The following ZNF277 variants were observed in gnomAD, a reference collection of about 807,000 sequenced individuals.
The protein encoded by ZNF277 is zinc finger protein 277, also known as nuclear receptor-interacting factor 4.
In ZNF277, 55 loss-of-function variants were observed where a neutral mutation model predicts 60.7. That is an observed-to-expected ratio of 0.91 (90% CI 0.73 to 1.13). ZNF277 has a LOEUF of 1.13. Ranked by LOEUF, ZNF277 falls within the 50% of genes most tolerant of loss-of-function variation. ZNF277 has a pLI of 0.00. For synonymous variants in ZNF277, 178 were observed against 179.3 expected (o/e 0.99, Z 0.06); for missense variants, 510 against 523.0 (o/e 0.98, Z 0.24).
At position 112,310,454 on chromosome 7, in the gene ZNF277, T is replaced by TGAGAGAGAGAGA. The variant is rs377447375; in HGVS notation, c.466-7714_466-7703dup. 6.0e-5 allele frequency among the ~76,000 whole-genome samples: 7 copies of TGAGAGAGAGAGA among 117,294 alleles called. No individual in the cohort carries two copies. In the South Asian group the frequency reaches 8.2e-4, roughly 14 times the overall value. 76.9% of individuals were successfully genotyped at this position (117,294 alleles called of 152,430 possible). ...TTAGGGCCTACCTTTAGGTTAGGTT[T>TGAGAGAGAGAGA]GAGAGAGAGAGAGAGAGAGAGAGAG... is the stretch of plus-strand genomic sequence containing the variant. On this transcript the variant is annotated intron_variant, in intron 4 of 11. Transcript: ENST00000361822.
At chr7:112,285,180 C>G (rs1469718421) in intron 1 of ZNF277, among the ~76,000 whole-genome samples, 1 of 151,910 alleles carries the variant, frequency 6.6e-6, no homozygotes, top group African/African-American at 2.4e-5. Context: ...CAGGTGTGCA[C>G]CACCACGCCC....
Position 112,283,311 on chromosome 7 carries a change from T to C in ZNF277, c.92-3562T>C, listed in dbSNP as rs181169558. ...GGGAGGCCAAGGCAGGAGGCTCACT[T>C]AAGGTCAGGAATTGGAGACCAGCCA... is the stretch of plus-strand genomic sequence containing the variant. On this transcript the variant is annotated intron_variant, in intron 1 of 11. Transcript: ENST00000361822. 5.2e-3 allele frequency among the ~76,000 whole-genome samples: 796 copies of C among 152,252 alleles called. 8 individuals are homozygous for C. Among genetic ancestry groups the C allele is most frequent in the African/African-American group, 0.018 (735 of 41,556 alleles).
chr7:112,244,242 A>G (rs962602790), intron 1 of ZNF277, among the ~76,000 whole-genome samples: 6 of 152,192 alleles, frequency 3.9e-5, no homozygotes, highest in African/African-American at 1.2e-4. Context: ...ATAGCCACAT[A>G]ACAAAACTAC....
Position 112,206,768 on chromosome 7 carries a change from G to T in ZNF277, c.52G>T (p.Asp18Tyr). 6.2e-7 allele frequency: 1 copy of T among 1,613,174 alleles called. No homozygotes were observed. Among genetic ancestry groups the T allele is most frequent in the Non-Finnish European group, 8.5e-7 (1 of 1,179,640 alleles). ...TGTCGCCCGAATGCAGGAAGACCGT[G>T]ATGGGAGCTGCAGCACAGTCGGGGG... ...GAVARMQEDR[D>Y]GSCSTVGGVG... Residue 18 changes from aspartate (D) to tyrosine (Y), a missense_variant, in exon 1 of 12, where the codon GAT (aspartate) becomes TAT (tyrosine). Asp to Tyr is a radical substitution (Grantham distance 160). Coordinates refer to ENST00000361822, the MANE Select transcript of ZNF277 (RefSeq NM_021994.3).
intron 6 of ZNF277, among the ~76,000 whole-genome samples, chr7:112,328,785 G>A (rs897557250): frequency 9.2e-5 from 14 of 152,098 alleles, no homozygotes; most frequent in African/African-American, 2.9e-4. Context: ...CAGGAGAATC[G>A]CTTGAACCCG....
chr7:112,259,537 C>T (rs1236034483), intron 1 of ZNF277, among the ~76,000 whole-genome samples: 1 of 152,152 alleles, frequency 6.6e-6, no homozygotes, highest in Admixed American at 6.6e-5. Flanking sequence ...AAACAGGTTA[C>T]TTAAGAGCGC....
chr7:112,320,952 C>A (rs1469761402), intron 5 of ZNF277, among the ~76,000 whole-genome samples: 1 of 119,290 alleles, frequency 8.4e-6, no homozygotes, highest in Non-Finnish European at 1.6e-5. Flanking sequence ...GATGGAGTCT[C>A]ACTCTGTCGC....
chr7:112,339,381 C>T (rs1297569339), intron 9 of ZNF277, among the ~76,000 whole-genome samples: 4 of 152,170 alleles, frequency 2.6e-5, no homozygotes, highest in East Asian at 3.8e-4. Context: ...TGCAGTGTCA[C>T]GATCTCAGCT....
rs144554811 is a variant in ZNF277 at position 112,339,197 on chromosome 7, T to C, written c.967-646T>C. On this transcript the variant is annotated intron_variant, in intron 9 of 11. Transcript: ENST00000361822. ...AAATGCACAGTACAATAGAAACATA[T>C]CTTACCTACACTTTTATCACACTGC... Among the ~76,000 whole-genome samples the C allele has an allele frequency of 1.1e-4, 17 of 152,330 alleles. No individual in the cohort carries two copies. The East Asian group carries it at 1.2e-3, about 10-fold the overall frequency.
chr7:112,311,296 T>C lies in ZNF277; in HGVS notation c.466-6886T>C, dbSNP rs898685923. ...TGTCACACTTGACATTTTACACTAA[T>C]TAGAAAAACATATATAGCTTATTAT... On this transcript the variant is annotated intron_variant, in intron 4 of 11. Coordinates refer to ENST00000361822, the MANE Select transcript of ZNF277 (RefSeq NM_021994.3). Among the ~76,000 whole-genome samples the C allele has an allele frequency of 2.0e-5, 3 of 152,138 alleles. 1 individual carries two copies. The highest frequency in any genetic ancestry group is 7.2e-5 in the African/African-American group (3 of 41,456).
intron 1 of ZNF277, among the ~76,000 whole-genome samples, chr7:112,225,752 T>C (rs1264425187): frequency 6.6e-6 from 1 of 152,230 alleles, no homozygotes; most frequent in African/African-American, 2.4e-5. Context: ...TTAATAGAAA[T>C]TCATGTTCTC....
chr7:112,286,999 A>T lies in ZNF277; in HGVS notation c.218A>T (p.Asp73Val). Reference sequence around the variant, plus strand: ...GAACATTTTCCTGTGGCTGAACAAGACAAACTTCTGAAGCACATGATTATT... The same window carrying T: ...GAACATTTTCCTGTGGCTGAACAAGTCAAACTTCTGAAGCACATGATTATT... ...CEEHFPVAEQ[D>V]KLLKHMIIEH... The change falls in exon 2 of 12, where the codon GAC becomes GTC. Residue 73 changes from aspartate (D) to valine (V), a missense_variant. By Grantham distance (152) the Asp-to-Val change is radical. Transcript: ENST00000361822. The T allele has an allele frequency of 1.2e-6, 2 of 1,614,136 alleles. No individual in the cohort carries two copies. Among genetic ancestry groups the T allele is most frequent in the Non-Finnish European group, 1.7e-6 (2 of 1,180,026 alleles).
chr7:112,260,042 G>A (rs1477707698), intron 1 of ZNF277, among the ~76,000 whole-genome samples: 2 of 152,190 alleles, frequency 1.3e-5, no homozygotes, highest in Admixed American at 6.5e-5. Context: ...CAACGCGGGT[G>A]AATTGCTTGA....
intron 1 of ZNF277, among the ~76,000 whole-genome samples, chr7:112,259,555 CAG>C (rs1313947507): frequency 2.0e-5 from 3 of 152,284 alleles, no homozygotes; most frequent in Non-Finnish European, 4.4e-5. Context: ...CGCTTAATTT[CAG>C]AGACACGTCC....
At chr7:112,236,808 C>T (rs1204313294) in intron 1 of ZNF277, among the ~76,000 whole-genome samples, 1 of 152,092 alleles carries the variant, frequency 6.6e-6, no homozygotes. Context: ...CCACTGACAA[C>T]ACTAGACAGA....
intron 1 of ZNF277, among the ~76,000 whole-genome samples, chr7:112,236,581 T>C (rs547272769): frequency 1.3e-5 from 2 of 152,204 alleles, no homozygotes; most frequent in African/African-American, 4.8e-5. Flanking sequence ...GAAACACCCA[T>C]GTTGTACAAT....
chr7:112,267,987 T>C (rs1791587630), intron 1 of ZNF277, among the ~76,000 whole-genome samples: 1 of 152,146 alleles, frequency 6.6e-6, no homozygotes, highest in South Asian at 2.1e-4. Context: ...TAAGACCCAT[T>C]CATATCAATC....
chr7:112,280,068 G>T (rs773862304), intron 1 of ZNF277, among the ~76,000 whole-genome samples: 32 of 152,240 alleles, frequency 2.1e-4, no homozygotes, highest in Non-Finnish European at 4.0e-4. Flanking sequence ...CTGCATGCTG[G>T]ATATAAATCC....
chr7:112,341,577 C>T (rs1404646589), intron 11 of ZNF277, among the ~76,000 whole-genome samples: 1 of 152,178 alleles, frequency 6.6e-6, no homozygotes. Flanking sequence ...ACTGCTAGGA[C>T]TTTTTGTATA....
Sources: gnomAD v4.1 joint callset for allele counts (sites outside exome capture counted in the v4.1 genomes callset) on GRCh38, gnomAD v4.1.1 for gene constraint, MANE v1.5 for transcripts, NCBI Gene and HGNC (gene_info 2026-07-23, HGNC 2026-07-21) for gene names.